CHRM3: variants seen among roughly 807,000 people sequenced by gnomAD.
The protein encoded by CHRM3 is muscarinic acetylcholine receptor M3.
CHRM3 carries 11 observed loss-of-function variants against 41.8 expected under a neutral mutation model. The ratio of observed to expected loss-of-function variants is 0.26; its 90% CI spans 0.17 to 0.44. CHRM3 has a LOEUF of 0.44. Ranked by LOEUF, CHRM3 falls within the 20% of genes least tolerant of loss-of-function variation. CHRM3 has a pLI of 1.00. For synonymous variants in CHRM3, 297 were observed against 301.4 expected (o/e 0.99, Z 0.15); for missense variants, 571 against 745.4 (o/e 0.77, Z 2.72).
At chr1:239,554,904 A>G (rs1323534329) in intron 3 of CHRM3, among the ~76,000 whole-genome samples, 1 of 151,500 alleles carries the variant, frequency 6.6e-6, no homozygotes, top group Non-Finnish European at 1.5e-5. Context: ...TAATTTTTGT[A>G]TTTTTATTAG....
chr1:239,807,774 T>A (rs1398852317), intron 5 of CHRM3, among the ~76,000 whole-genome samples: 1 of 151,988 alleles, frequency 6.6e-6, no homozygotes, highest in Non-Finnish European at 1.5e-5. Context: ...GCAGATTTGC[T>A]GTAAGAAACT....
At chr1:239,863,995 A>G (rs905354953) in intron 6 of CHRM3, among the ~76,000 whole-genome samples, 18 of 152,256 alleles carry the variant, frequency 1.2e-4, no homozygotes, top group African/African-American at 4.1e-4. Context: ...TCAATGTACT[A>G]AAAGACCTTA....
chr1:239,801,494 A>G (rs1293808438), intron 5 of CHRM3, among the ~76,000 whole-genome samples: 4 of 152,088 alleles, frequency 2.6e-5, no homozygotes, highest in Non-Finnish European at 5.9e-5. Context: ...CCTCATAGGA[A>G]TCTGGACAGT....
In CHRM3 at chr1:239,559,436, C is replaced by T. The variant is rs541799882; in HGVS notation, c.-313+13687C>T. ...CTTGACCATATAAAACACATTTTCCCTAATTGCTTCATTTCAGTCAAGAAT... is the reference window on the plus strand; with the variant it reads ...CTTGACCATATAAAACACATTTTCCTTAATTGCTTCATTTCAGTCAAGAAT... On this transcript the variant is annotated intron_variant, in intron 3 of 6. Coordinates refer to ENST00000676153, the MANE Select transcript of CHRM3 (RefSeq NM_001375978.1). 6.6e-5 allele frequency among the ~76,000 whole-genome samples: 10 copies of T among 152,296 alleles called. No homozygotes were observed. The South Asian group carries it at 2.1e-3, about 32-fold the overall frequency.
chr1:239,778,325 A>C (rs138004597), intron 5 of CHRM3, among the ~76,000 whole-genome samples: 3,408 of 152,292 alleles, frequency 0.022, 43 homozygotes, highest in Non-Finnish European at 0.027. Context: ...TGAGGTAATA[A>C]GTGACCAATG....
chr1:239,545,650 G>C lies in CHRM3; in HGVS notation c.-412G>C, dbSNP rs1659218745. On this transcript the variant is annotated 5_prime_UTR_variant, in exon 3 of 7. Transcript: ENST00000676153. ...TTTTGTGTCTGTTTAGATATGAACA[G>C]TAATGGCACATATTTTGGTTATGAG... The C allele has an allele frequency of 6.6e-6, 1 of 152,102 alleles. No homozygotes were observed. The highest frequency in any genetic ancestry group is 1.5e-5 in the Non-Finnish European group (1 of 68,016). The allele number at this position is 152,102 out of a possible 1,614,324, so 9.4% of individuals were successfully genotyped here.
At chr1:239,644,713 A>G (rs1671585345) in intron 4 of CHRM3, among the ~76,000 whole-genome samples, 1 of 152,204 alleles carries the variant, frequency 6.6e-6, no homozygotes. Flanking sequence ...TCATGTGCAT[A>G]CAATCACCAT....
At chr1:239,752,841 G>C (rs2148591710) in intron 5 of CHRM3, among the ~76,000 whole-genome samples, 2 of 152,008 alleles carry the variant, frequency 1.3e-5, no homozygotes, top group South Asian at 4.2e-4. Flanking sequence ...ACTATAATAG[G>C]GTTCAAACAT....
intron 6 of CHRM3, among the ~76,000 whole-genome samples, chr1:239,831,202 A>G (rs1672871834): frequency 6.6e-6 from 1 of 152,118 alleles, no homozygotes; most frequent in Non-Finnish European, 1.5e-5. Context: ...TGACTCGGTC[A>G]TTTCCTCTCT....
Position 239,909,149 on chromosome 1 carries a change from A to T in CHRM3, c.1698A>T (p.Lys566Asn). The T allele has an allele frequency of 6.2e-7, 1 of 1,614,124 alleles. No homozygotes were observed. The change falls in exon 7 of 7, where the codon AAA (lysine) becomes AAT (asparagine). Residue 566 changes from lysine to asparagine, a missense_variant. Physicochemically the swap from Lys to Asn is moderately conservative, Grantham distance 94. Coordinates refer to ENST00000676153, the MANE Select transcript of CHRM3 (RefSeq NM_001375978.1). ...TGCTGCTGTGCCAGTGTGACAAAAA[A>T]AAGAGGCGCAAGCAGCAGTACCAGC... ...KMLLLCQCDKKKRRKQQYQQR... is the reference protein window; with the variant it reads ...KMLLLCQCDKNKRRKQQYQQR...
chr1:239,638,211 C>T (rs1342465570), intron 4 of CHRM3, among the ~76,000 whole-genome samples: 30 of 150,030 alleles, frequency 2.0e-4, no homozygotes, highest in Non-Finnish European at 5.9e-5. Flanking sequence ...TGAATAGTGC[C>T]GCAATAAACA....
At chr1:239,578,246 CTG>C (rs1259007254) in intron 3 of CHRM3, among the ~76,000 whole-genome samples, 1 of 152,150 alleles carries the variant, frequency 6.6e-6, no homozygotes, top group Non-Finnish European at 1.5e-5. Flanking sequence ...GTTCATGAAT[CTG>C]TGTCTTGTGG....
Position 239,625,722 on chromosome 1 carries a change from T to C in CHRM3, c.-312-6502T>C, listed in dbSNP as rs1208764910. Among the ~76,000 whole-genome samples, 3 of 27,028 alleles carry C rather than the reference T, an allele frequency of 1.1e-4. 1 individual carries two copies. Among genetic ancestry groups the C allele is most frequent in the Non-Finnish European group, 1.6e-4 (3 of 18,370 alleles). 17.7% of individuals were successfully genotyped at this position (27,028 alleles called of 152,430 possible). Reference sequence around the variant, plus strand: ...GTTTTTAGCATGAAGGGTTGTTGAATTTTGTCAAAGGCTTTTTCTGCATCT... The same window carrying C: ...GTTTTTAGCATGAAGGGTTGTTGAACTTTGTCAAAGGCTTTTTCTGCATCT... On this transcript the variant is annotated intron_variant, in intron 3 of 6. Transcript: ENST00000676153.
At chr1:239,753,819 G>A (rs543480366) in intron 5 of CHRM3, among the ~76,000 whole-genome samples, 1 of 152,314 alleles carries the variant, frequency 6.6e-6, no homozygotes, top group South Asian at 2.1e-4. Context: ...ACAGACAACA[G>A]TGGATATTTC....
intron 6 of CHRM3, among the ~76,000 whole-genome samples, chr1:239,894,971 C>T (rs1283366959): frequency 6.6e-6 from 1 of 152,152 alleles, no homozygotes. Flanking sequence ...CAGTATATGG[C>T]AAGCATTCAC....
intron 5 of CHRM3, among the ~76,000 whole-genome samples, chr1:239,766,617 T>C (rs1667228862): frequency 6.6e-6 from 1 of 152,118 alleles, no homozygotes; most frequent in Admixed American, 6.5e-5. Flanking sequence ...ACAGGATATC[T>C]GTCTATAGAT....
chr1:239,487,821 A>T (rs1218888957), intron 1 of CHRM3, among the ~76,000 whole-genome samples: 2 of 151,796 alleles, frequency 1.3e-5, no homozygotes, highest in African/African-American at 4.8e-5. Context: ...TACAAATACA[A>T]AGTCAAATGA....
rs530104005 is a variant in CHRM3, at chr1:239,663,205, A to G, written c.-249-14981A>G. On this transcript the variant is annotated intron_variant, in intron 4 of 6. Coordinates refer to ENST00000676153, the MANE Select transcript of CHRM3 (RefSeq NM_001375978.1). ...TGCTCTCCACTCTCACCTGCTTTGC[A>G]TGTCTCTGCCTGCACCCCCCTCCTT... is the stretch of plus-strand genomic sequence containing the variant. 1.4e-4 allele frequency among the ~76,000 whole-genome samples: 21 copies of G among 151,920 alleles called. No individual in the cohort carries two copies. The South Asian group carries it at 4.2e-3, about 30-fold the overall frequency.
chr1:239,636,222 T>G lies in CHRM3; in HGVS notation c.-250+3936T>G, dbSNP rs547951857. ...AGAATGAAATAATAAATTATTGAAC[T>G]GCAAAGAGCAAAATTTTCCCTGTTT... On this transcript the variant is annotated intron_variant, in intron 4 of 6. Transcript: ENST00000676153. Among the ~76,000 whole-genome samples the G allele has an allele frequency of 4.9e-4, 75 of 152,362 alleles. 1 individual carries two copies. Among genetic ancestry groups the G allele is most frequent in the South Asian group, 1.2e-3 (6 of 4,832 alleles).
Sources: allele counts gnomAD v4.1 joint callset (sites outside exome capture counted in the v4.1 genomes callset), GRCh38; gene constraint gnomAD v4.1.1; transcripts MANE v1.5; gene names NCBI Gene and HGNC (gene_info 2026-07-23, HGNC 2026-07-21).